ZRANB3: variants seen among roughly 807,000 people sequenced by gnomAD.
ZRANB3 encodes DNA annealing helicase and endonuclease ZRANB3.
In ZRANB3, 125 loss-of-function variants were observed where a neutral mutation model predicts 133.8. That is an observed-to-expected ratio of 0.93 (90% CI 0.81 to 1.08). ZRANB3 has a LOEUF of 1.08. Ranked by LOEUF, ZRANB3 falls within the 50% of genes least tolerant of loss-of-function variation. The pLI is 0.00. For synonymous variants in ZRANB3, 387 were observed against 432.7 expected, an observed-to-expected ratio of 0.89 and a Z score of 1.31; for missense variants, 1,229 against 1,275.5, an observed-to-expected ratio of 0.96 and a Z score of 0.56.
At chr2:135,386,792 T>C (rs1391351783) in intron 3 of ZRANB3, among the ~76,000 whole-genome samples, 1 of 151,652 alleles carries the variant, frequency 6.6e-6, no homozygotes, top group Non-Finnish European at 1.5e-5. Flanking sequence ...AACTGAACAA[T>C]GACAACAATT....
chr2:135,320,701 G>A (rs190494030), intron 6 of ZRANB3, among the ~76,000 whole-genome samples: 21 of 152,292 alleles, frequency 1.4e-4, no homozygotes, highest in African/African-American at 4.8e-4. Context: ...CTGTGTTCAT[G>A]AACAAACACA....
At chr2:135,418,257 G>T (rs1441587711) in intron 2 of ZRANB3, among the ~76,000 whole-genome samples, 2 of 152,152 alleles carry the variant, frequency 1.3e-5, no homozygotes, top group Non-Finnish European at 2.9e-5. Context: ...ACATATGTAG[G>T]TTATGTGCAA....
chr2:135,530,656 C>T (rs1559061137), intron 1 of ZRANB3: 2 of 152,152 alleles, frequency 1.3e-5, no homozygotes, highest in East Asian at 3.8e-4. Flanking sequence ...AATTTAAAAC[C>T]CCTATGGTAT....
At chr2:135,427,269 A>C (rs544678418) in intron 2 of ZRANB3, among the ~76,000 whole-genome samples, 17 of 152,286 alleles carry the variant, frequency 1.1e-4, no homozygotes, top group African/African-American at 3.4e-4. Flanking sequence ...AGAAAGAGTC[A>C]AACTATCTCT....
Position 135,269,034 on chromosome 2 carries a change from A to G in ZRANB3, c.1314T>C (p.Ser438=). ...EDRAHRIGQC[S]SVNIHYLIAN... is the part of the protein sequence containing the mutation. ...CAATAAGGTAGTGAATATTCACAGA[A>G]CTGCACTGGCCAATTCTGTGAGCTC... Residue 438 remains serine, a synonymous_variant, in exon 11 of 21, where the codon AGT becomes AGC. Transcript: ENST00000264159. 1 of 1,612,998 alleles carries G rather than the reference A, an allele frequency of 6.2e-7. No homozygotes were observed. Among genetic ancestry groups the G allele is most frequent in the Non-Finnish European group, 8.5e-7 (1 of 1,179,626 alleles).
chr2:135,330,510 TTC>T (rs1199719955), intron 6 of ZRANB3, among the ~76,000 whole-genome samples: 1 of 152,190 alleles, frequency 6.6e-6, no homozygotes. Flanking sequence ...TCATCTAAAA[TTC>T]TGTTTTTTTG....
rs115782604 is a variant in ZRANB3 at position 135,263,692 on chromosome 2, A to G, written c.1539+1842T>C. On this transcript the variant is annotated intron_variant, in intron 12 of 20. Transcript: ENST00000264159. The stretch of plus-strand genomic sequence containing the variant: ...AAGGAGCCAGTTTAAAGGAGCTTTC[A>G]TTAGCCAGATCTAAGTTTAAAAAGA... 3.9e-3 allele frequency among the ~76,000 whole-genome samples: 590 copies of G among 152,294 alleles called. 4 individuals carry two copies. Among genetic ancestry groups the G allele is most frequent in the African/African-American group, 0.014 (567 of 41,566 alleles).
At chr2:135,483,263 G>A (rs1691922808) in intron 2 of ZRANB3, among the ~76,000 whole-genome samples, 1 of 151,942 alleles carries the variant, frequency 6.6e-6, no homozygotes, top group South Asian at 2.1e-4. Flanking sequence ...CTTTTTGGTT[G>A]GTAAGCTATT....
chr2:135,329,270 C>G (rs1684010373), intron 6 of ZRANB3, among the ~76,000 whole-genome samples: 4 of 152,196 alleles, frequency 2.6e-5, no homozygotes, highest in Admixed American at 2.6e-4. Flanking sequence ...TTTCAGCTTT[C>G]TACACATGGC....
At chr2:135,352,829 A>G (rs1685270780) in intron 4 of ZRANB3, among the ~76,000 whole-genome samples, 1 of 152,176 alleles carries the variant, frequency 6.6e-6, no homozygotes, top group Non-Finnish European at 1.5e-5. Context: ...TGTATGAATC[A>G]CCTACACATT....
intron 2 of ZRANB3, among the ~76,000 whole-genome samples, chr2:135,426,859 A>T: frequency 4.2e-5 from 2 of 47,808 alleles, no homozygotes; most frequent in South Asian, 1.5e-3. Flanking sequence ...AAAAAAAAAA[A>T]AAAAATATAT....
intron 3 of ZRANB3, among the ~76,000 whole-genome samples, chr2:135,366,605 A>G (rs1041446313): frequency 2.0e-5 from 3 of 152,162 alleles, no homozygotes; most frequent in Admixed American, 2.0e-4. Flanking sequence ...TAAGAAAGAC[A>G]TGGAATGTTA....
Position 135,208,893 on chromosome 2 carries a change from A to G in ZRANB3, c.2581T>C (p.Ser861Pro), listed in dbSNP as rs1295517088. Residue 861 changes from serine (S) to proline (P), a missense_variant, in exon 18 of 21, where the codon TCC (serine) becomes CCC (proline). Physicochemically the swap from Ser to Pro is moderately conservative, Grantham distance 74. Coordinates refer to ENST00000264159, the MANE Select transcript of ZRANB3 (RefSeq NM_032143.4). ...TTTGTGAAAGGATCCCGTGGCCTGGACTCCTTTGTGATCAGACGGACATGG... is the reference window on the plus strand; with the variant it reads ...TTTGTGAAAGGATCCCGTGGCCTGGGCTCCTTTGTGATCAGACGGACATGG... ...GGHVRLITKE[S>P]RPRDPFTKKL... 3 of 1,613,736 alleles carry G rather than the reference A, an allele frequency of 1.9e-6. No homozygotes were observed. The East Asian group carries it at 6.7e-5, about 36-fold the overall frequency.
chr2:135,232,644 G>A (rs887198528), intron 12 of ZRANB3, among the ~76,000 whole-genome samples: 6 of 152,236 alleles, frequency 3.9e-5, no homozygotes, highest in Admixed American at 1.3e-4. Context: ...ACCAATATCC[G>A]CTGTTCTACA....
chr2:135,313,634 G>GT (rs1422351592), intron 7 of ZRANB3, 29 bp from the exon 8 acceptor site: 1 of 1,414,540 alleles, frequency 7.1e-7, no homozygotes, highest in South Asian at 1.2e-5. Context: ...CACTGTTTAT[G>GT]AATATAGCAT....
At chr2:135,245,059 C>T (rs987723973) in intron 12 of ZRANB3, among the ~76,000 whole-genome samples, 1 of 152,164 alleles carries the variant, frequency 6.6e-6, no homozygotes, top group Non-Finnish European at 1.5e-5. Context: ...CCAAAAGGTA[C>T]TCTTAAGAAT....
At chr2:135,521,697 T>C (rs1693948477) in intron 1 of ZRANB3, among the ~76,000 whole-genome samples, 1 of 151,982 alleles carries the variant, frequency 6.6e-6, no homozygotes, top group African/African-American at 2.4e-5. Context: ...AAATAGAATA[T>C]ATATAAGGCA....
chr2:135,249,767 C>T (rs994074937), intron 12 of ZRANB3, among the ~76,000 whole-genome samples: 1 of 152,168 alleles, frequency 6.6e-6, no homozygotes, highest in Non-Finnish European at 1.5e-5. Flanking sequence ...AAGTGTCTTT[C>T]GCTGCCTGCT....
At chr2:135,266,269 A>G (rs1248176064) in intron 11 of ZRANB3, among the ~76,000 whole-genome samples, 1 of 152,238 alleles carries the variant, frequency 6.6e-6, no homozygotes, top group African/African-American at 2.4e-5. Context: ...GACTCTTTGT[A>G]GCAACAAGAT....
Sources: gnomAD v4.1 joint callset for allele counts (sites outside exome capture counted in the v4.1 genomes callset) on GRCh38, gnomAD v4.1.1 for gene constraint, MANE v1.5 for transcripts, NCBI Gene and HGNC (gene_info 2026-07-23, HGNC 2026-07-21) for gene names.